The following SEMA3D variants were observed in gnomAD, a reference collection of about 807,000 sequenced individuals.
The protein encoded by SEMA3D is semaphorin-3D.
Under a neutral mutation model 100.1 loss-of-function variants are expected in SEMA3D, and 84 were observed. The ratio of observed to expected loss-of-function variants is 0.84; its 90% CI spans 0.70 to 1.01. SEMA3D has a LOEUF of 1.01. Ranked by LOEUF, SEMA3D falls within the 50% of genes least tolerant of loss-of-function variation. SEMA3D has a pLI of 0.00. For synonymous variants in SEMA3D, 312 were observed against 320.7 expected (o/e 0.97, Z 0.29); for missense variants, 875 against 934.1 (o/e 0.94, Z 0.82).
chr7:85,181,379 T>G (rs1326107705), intron 1 of SEMA3D, among the ~76,000 whole-genome samples: 1 of 150,596 alleles, frequency 6.6e-6, no homozygotes, highest in Non-Finnish European at 1.5e-5. Flanking sequence ...GCTAGAGTTG[T>G]ATTGAAAAGA....
Position 85,006,914 on chromosome 7 carries a change from T to G in SEMA3D, c.1796A>C (p.Lys599Thr). ...GTTAAATTCAATGCCAAAAATCACC[T>G]TTTCATCAGCAGTTTCATGACTAAT... ...DSISHETADE[K>T]VIFGIEFNST... The change falls in exon 18 of 19, where the codon AAG becomes ACG. Residue 599 changes from lysine (K) to threonine (T), a missense_variant. By Grantham distance (78) the Lys-to-Thr change is moderately conservative. Transcript: ENST00000284136. 1.9e-6 allele frequency: 3 copies of G among 1,610,294 alleles called. No individual in the cohort carries two copies. Among genetic ancestry groups the G allele is most frequent in the Non-Finnish European group, 2.5e-6 (3 of 1,177,678 alleles).
chr7:85,048,343 G>T (rs189896372), intron 9 of SEMA3D, among the ~76,000 whole-genome samples: 2 of 151,792 alleles, frequency 1.3e-5, no homozygotes, highest in Admixed American at 1.3e-4. Context: ...TAGTACAAAT[G>T]ATCTGCATGG....
At chr7:85,231,941 A>G in the SEMA3D span, among the ~76,000 whole-genome samples, 1 of 152,318 alleles carries the variant, frequency 6.6e-6, no homozygotes, top group South Asian at 2.1e-4. Flanking sequence ...ACTGTATATC[A>G]AAAAGAATGT....
At chr7:85,145,404 C>T (rs1424068548) in intron 2 of SEMA3D, among the ~76,000 whole-genome samples, 2 of 151,920 alleles carry the variant, frequency 1.3e-5, no homozygotes, top group African/African-American at 2.4e-5. Context: ...GAAGCAGAAG[C>T]TGGCATATTT....
chr7:85,086,662 G>A (rs1478260365), intron 4 of SEMA3D, among the ~76,000 whole-genome samples: 1 of 148,206 alleles, frequency 6.7e-6, no homozygotes, highest in African/African-American at 2.6e-5. Context: ...GTGTGTGTGT[G>A]TATAGATGCA....
At chr7:85,147,306 G>T (rs995431957) in intron 2 of SEMA3D, among the ~76,000 whole-genome samples, 1 of 151,284 alleles carries the variant, frequency 6.6e-6, no homozygotes, top group Non-Finnish European at 1.5e-5. Flanking sequence ...TTCGCCATGT[G>T]GGCCAGGCAG....
At chr7:85,103,100 G>T (rs2116334132) in intron 3 of SEMA3D, among the ~76,000 whole-genome samples, 1 of 152,182 alleles carries the variant, frequency 6.6e-6, no homozygotes, top group East Asian at 1.9e-4. Context: ...CTTTGGGACA[G>T]GGATTGGAAC....
At chr7:85,126,966 G>A (rs1038545517) in intron 2 of SEMA3D, among the ~76,000 whole-genome samples, 36 of 152,050 alleles carry the variant, frequency 2.4e-4, no homozygotes, top group Non-Finnish European at 5.1e-4. Flanking sequence ...TTTTCTAATA[G>A]GCATATAAAA....
intron 12 of SEMA3D, chr7:85,029,179 C>G (rs1407708732): frequency 2.2e-5 from 15 of 667,064 alleles, no homozygotes; most frequent in Admixed American, 2.1e-5. Flanking sequence ...TTTGAGCTCA[C>G]AGGCGTACCT....
chr7:85,028,751 C>A, intron 12 of SEMA3D: 1 of 201,410 alleles, frequency 5.0e-6, no homozygotes, highest in South Asian at 9.7e-5. Context: ...GAATGCTGAG[C>A]CTGTTCTGTG....
chr7:85,225,053 TATATATATATATATATATA>T, the SEMA3D span, among the ~76,000 whole-genome samples: 5 of 1,734 alleles, frequency 2.9e-3, no homozygotes, highest in Admixed American at 6.6e-3. Flanking sequence ...TTTTCTTTTA[TATATATATATATATATATA>T]TATATATATA....
At chr7:85,042,451 A>T (rs1790890568) in intron 9 of SEMA3D, among the ~76,000 whole-genome samples, 166 bp from the exon 10 acceptor site, 1 of 152,150 alleles carries the variant, frequency 6.6e-6, no homozygotes, top group African/African-American at 2.4e-5. Context: ...AGACAGTATT[A>T]GCCCTCAATA....
chr7:85,028,534 C>T (rs1382673044), intron 12 of SEMA3D: 2 of 320,852 alleles, frequency 6.2e-6, no homozygotes, highest in Non-Finnish European at 1.2e-5. Context: ...AGGACTTTCA[C>T]AACTGAAATG....
chr7:85,202,009 C>CACACT, the SEMA3D span, among the ~76,000 whole-genome samples: 1 of 151,720 alleles, frequency 6.6e-6, no homozygotes. Flanking sequence ...CATGAGCTAT[C>CACACT]ACACTAGTCT....
chr7:85,203,848 A>G, the SEMA3D span, among the ~76,000 whole-genome samples: 1 of 152,132 alleles, frequency 6.6e-6, no homozygotes, highest in African/African-American at 2.4e-5. Context: ...CCTAGTAGTA[A>G]TATCAATGCT....
intron 14 of SEMA3D, among the ~76,000 whole-genome samples, chr7:85,019,758 C>A (rs1250235508): frequency 6.6e-6 from 1 of 151,438 alleles, no homozygotes; most frequent in Non-Finnish European, 1.5e-5. Context: ...ACTCTTTTTG[C>A]CGGGTGAGAG....
At chr7:85,152,400 T>C (rs1431292165) in intron 2 of SEMA3D, among the ~76,000 whole-genome samples, 4 of 152,142 alleles carry the variant, frequency 2.6e-5, no homozygotes, top group Non-Finnish European at 5.9e-5. Flanking sequence ...GTTCTTGCCC[T>C]AAAATTAATA....
intron 12 of SEMA3D, chr7:85,028,842 G>A: frequency 4.3e-6 from 1 of 232,048 alleles, no homozygotes; most frequent in South Asian, 7.1e-5. Context: ...CCTGGTTGGT[G>A]GTCCTAATTG....
chr7:85,036,977 A>G lies in SEMA3D; in HGVS notation c.1103T>C (p.Val368Ala). 1 of 1,613,478 alleles carries G rather than the reference A, an allele frequency of 6.2e-7. No homozygotes were observed. Among genetic ancestry groups the G allele is most frequent in the Non-Finnish European group, 8.5e-7 (1 of 1,179,616 alleles). Residue 368 changes from valine to alanine, a missense_variant, in exon 12 of 19, where the codon GTT (valine) becomes GCT (alanine). Coordinates refer to ENST00000284136, the MANE Select transcript of SEMA3D (RefSeq NM_001384900.1). ...CTTATGAGCATATGGACCATTAAAA[A>G]CTGCTCTGATGTCAGCCATGCTATA... ...CVYSMADIRA[V>A]FNGPYAHKES... is the part of the protein sequence containing the mutation.
Sources: gnomAD v4.1 joint callset for allele counts (sites outside exome capture counted in the v4.1 genomes callset) on GRCh38, gnomAD v4.1.1 for gene constraint, MANE v1.5 for transcripts, NCBI Gene and HGNC (gene_info 2026-07-23, HGNC 2026-07-21) for gene names.